The following MARK1 variants were observed in gnomAD, a reference collection of about 807,000 sequenced individuals.
MARK1 encodes microtubule affinity regulating kinase 1, also known as serine/threonine-protein kinase MARK1.
In MARK1, 40 loss-of-function variants were observed where a neutral mutation model predicts 96.3. The ratio of observed to expected loss-of-function variants is 0.42; its 90% CI spans 0.32 to 0.54. The LOEUF is 0.54. Among genes scored for constraint, MARK1 ranks in the 20% least tolerant of loss-of-function variants. The pLI, the probability that MARK1 is intolerant of heterozygous loss-of-function variation, is 0.16. For missense variants in MARK1, 719 were observed against 984.6 expected (o/e 0.73, Z 3.61); for synonymous variants, 317 against 341.2 (o/e 0.93, Z 0.78).
intron 9 of MARK1, among the ~76,000 whole-genome samples, chr1:220,628,428 T>C (rs769273440): frequency 1.3e-5 from 2 of 152,078 alleles, no homozygotes; most frequent in Non-Finnish European, 2.9e-5. Flanking sequence ...CCACTGAAAC[T>C]TCCCCCAGCA....
intron 11 of MARK1, among the ~76,000 whole-genome samples, chr1:220,635,175 T>A (rs571672218): frequency 6.6e-6 from 1 of 152,126 alleles, no homozygotes; most frequent in African/African-American, 2.4e-5. Context: ...TTATGAGTAG[T>A]CACTAAAGCG....
intron 1 of MARK1, among the ~76,000 whole-genome samples, chr1:220,567,905 A>G (rs1663171627): frequency 6.6e-6 from 1 of 151,984 alleles, no homozygotes. Flanking sequence ...CTTTCTATCC[A>G]TTTGTATTTG....
chr1:220,584,825 C>T (rs1010250736), intron 3 of MARK1, among the ~76,000 whole-genome samples: 7 of 152,158 alleles, frequency 4.6e-5, no homozygotes, highest in Non-Finnish European at 1.0e-4. Context: ...GGAAATATTC[C>T]TTAACAAATG....
intron 1 of MARK1, among the ~76,000 whole-genome samples, chr1:220,536,317 A>G (rs1660678457): frequency 6.6e-6 from 1 of 151,790 alleles, no homozygotes; most frequent in Admixed American, 6.6e-5. Context: ...AGAAGTGGCA[A>G]GAATGGGCAT....
chr1:220,571,185 G>A (rs1663425603), intron 1 of MARK1, among the ~76,000 whole-genome samples: 1 of 152,136 alleles, frequency 6.6e-6, no homozygotes, highest in Non-Finnish European at 1.5e-5. Flanking sequence ...TTTAAGTTGA[G>A]TATTTAACAA....
chr1:220,632,594 T>C (rs775258696), intron 11 of MARK1, among the ~76,000 whole-genome samples: 12 of 152,142 alleles, frequency 7.9e-5, no homozygotes, highest in Non-Finnish European at 1.5e-5. Context: ...TGCATCCAAA[T>C]GTAACAGTCC....
At chr1:220,535,476 ACT>A (rs1660621441) in intron 1 of MARK1, among the ~76,000 whole-genome samples, 1 of 151,180 alleles carries the variant, frequency 6.6e-6, no homozygotes, top group Non-Finnish European at 1.5e-5. Context: ...GTGCTTTTTC[ACT>A]CTGTTGTTTT....
At chr1:220,638,191 A>G (rs1377213253) in intron 13 of MARK1, among the ~76,000 whole-genome samples, 1 of 151,610 alleles carries the variant, frequency 6.6e-6, no homozygotes, top group African/African-American at 2.4e-5. Context: ...CACCCCACAT[A>G]GCAGAAAGAA....
intron 3 of MARK1, among the ~76,000 whole-genome samples, chr1:220,585,999 A>ACGCG (rs1220597891): frequency 3.3e-5 from 1 of 30,628 alleles, no homozygotes; most frequent in African/African-American, 5.1e-5. Context: ...ACACACACAC[A>ACGCG]CACACACACA....
intron 9 of MARK1, chr1:220,626,475 G>A: frequency 1.9e-6 from 1 of 537,356 alleles, no homozygotes; most frequent in Non-Finnish European, 3.8e-6. Flanking sequence ...TGCTCTTACA[G>A]TGTGGCTCAG....
intron 1 of MARK1, among the ~76,000 whole-genome samples, chr1:220,569,081 CGTT>C (rs1432569397): frequency 6.6e-6 from 1 of 152,070 alleles, no homozygotes; most frequent in Admixed American, 6.6e-5. Context: ...AAACTCTAAT[CGTT>C]GTAATCTGAT....
rs915316166 is a variant in MARK1 at position 220,662,263 on chromosome 1, C to T, written c.*97C>T. The T allele has an allele frequency of 6.8e-6, 6 of 883,286 alleles. No homozygotes were observed. Among genetic ancestry groups the T allele is most frequent in the African/African-American group, 1.7e-5 (1 of 59,078 alleles). 54.7% of individuals were successfully genotyped at this position (883,286 alleles called of 1,614,324 possible). ...TGCCTAATGTGGTCTGCCTGTGAAT[C>T]TCCCCATGTAGAATTTGCCCTTAAT... On this transcript the variant is annotated 3_prime_UTR_variant, in exon 18 of 18. Transcript: ENST00000366917.
chr1:220,528,835 A>C lies in MARK1; in HGVS notation c.13A>C (p.Thr5Pro). The change falls in exon 1 of 18, where the codon ACG (threonine) becomes CCG (proline). Residue 5 changes from threonine (T) to proline (P), a missense_variant. Thr to Pro is a conservative substitution (Grantham distance 38, BLOSUM62 -1). Around this residue, in one of 4 missense-constraint regions of MARK1, gnomAD observed 105 missense variants for 133.4 expected, o/e 0.79. Coordinates refer to ENST00000366917, the MANE Select transcript of MARK1 (RefSeq NM_018650.5). ...CTGCCCGCACAAAATGTCGGCCCGGACGCCATTGCCGACGGTGAACGAGCG... is the reference window on the plus strand; with the variant it reads ...CTGCCCGCACAAAATGTCGGCCCGGCCGCCATTGCCGACGGTGAACGAGCG... MSAR[T>P]PLPTVNERDT... The C allele has an allele frequency of 6.4e-7, 1 of 1,565,450 alleles. No homozygotes were observed. The highest frequency in any genetic ancestry group is 8.7e-7 in the Non-Finnish European group (1 of 1,154,930).
At chr1:220,648,062 A>G (rs1001470779) in intron 13 of MARK1, among the ~76,000 whole-genome samples, 2 of 151,674 alleles carry the variant, frequency 1.3e-5, no homozygotes, top group Admixed American at 1.3e-4. Flanking sequence ...AGATTTAAAA[A>G]TTAAAAAAAA....
intron 9 of MARK1, among the ~76,000 whole-genome samples, chr1:220,624,613 AAAG>A (rs1667221185): frequency 6.6e-6 from 1 of 151,848 alleles, no homozygotes; most frequent in African/African-American, 2.4e-5. Flanking sequence ...AAAAAAAAAA[AAAG>A]TTTTAGATTT....
intron 1 of MARK1, among the ~76,000 whole-genome samples, chr1:220,534,304 T>C (rs895115543): frequency 4.6e-5 from 7 of 152,212 alleles, no homozygotes; most frequent in African/African-American, 1.7e-4. Context: ...ACTAGCAACA[T>C]TAAAATTATT....
intron 3 of MARK1, among the ~76,000 whole-genome samples, chr1:220,582,039 G>T (rs1664279693): frequency 6.6e-6 from 1 of 152,126 alleles, no homozygotes; most frequent in African/African-American, 2.4e-5. Flanking sequence ...AATCTTATAA[G>T]AAATTGTTAG....
rs1669048742 is a variant in MARK1 at position 220,654,159 on chromosome 1, G to A, written c.1988+807G>A. The stretch of plus-strand genomic sequence containing the variant: ...AAACAACTAGCCATGATATAAAGCA[G>A]AACATGTGCTAAAAAGTGTGGGCAA... On this transcript the variant is annotated intron_variant, in intron 16 of 17. Transcript: ENST00000366917. The surrounding 1 kb of genome is among the most constrained non-coding windows in gnomAD (Gnocchi z 4.0). Among the ~76,000 whole-genome samples the A allele has an allele frequency of 2.6e-5, 4 of 152,144 alleles. No individual in the cohort carries two copies. The highest frequency in any genetic ancestry group is 2.6e-4 in the Admixed American group (4 of 15,274).
intron 13 of MARK1, among the ~76,000 whole-genome samples, chr1:220,644,852 A>G (rs969479992): frequency 6.6e-6 from 1 of 152,218 alleles, no homozygotes; most frequent in African/African-American, 2.4e-5. Context: ...AAATTAAGGC[A>G]GAAATCAAGA....
Sources: gnomAD v4.1 joint callset for allele counts (sites outside exome capture counted in the v4.1 genomes callset) on GRCh38, gnomAD v4.1.1 for gene constraint, gnomAD v4.1.1 regional missense constraint, Gnocchi (gnomAD v3.1) non-coding constraint, MANE v1.5 for transcripts, NCBI Gene and HGNC (gene_info 2026-07-23, HGNC 2026-07-21) for gene names.